Variants in PDIA5 observed in about 807,000 individuals in gnomAD.
The protein encoded by PDIA5 is protein disulfide-isomerase A5.
A neutral mutation model predicts 77.6 loss-of-function variants in PDIA5; 58 were observed. The ratio of observed to expected loss-of-function variants is 0.75; its 90% CI spans 0.61 to 0.93. The LOEUF (loss-of-function observed/expected upper bound fraction) is 0.93. PDIA5 is among the 40% of genes least tolerant of loss of function. The pLI is 0.00. For missense variants in PDIA5, 630 were observed against 647.7 expected (o/e 0.97, Z 0.30); for synonymous variants, 250 against 252.1 (o/e 0.99, Z 0.08).
rs1934108357 is a variant in PDIA5 at position 123,085,282 on chromosome 3, T to G, written c.43-3886T>G. Among the ~76,000 whole-genome samples, 6 of 152,256 alleles carry G rather than the reference T, an allele frequency of 3.9e-5. 1 individual carries two copies. The South Asian group carries it at 1.2e-3, about 32-fold the overall frequency. ...TGCCCTCCTCCAGAGCTCTTAATCT[T>G]GGGGATGGGGGTGAGGGTAGGGAGG... On this transcript the variant is annotated intron_variant, in intron 1 of 16. Coordinates refer to ENST00000316218, the MANE Select transcript of PDIA5 (RefSeq NM_006810.4).
intron 13 of PDIA5, among the ~76,000 whole-genome samples, chr3:123,147,381 G>A (rs1935795609): frequency 6.6e-6 from 1 of 152,162 alleles, no homozygotes; most frequent in African/African-American, 2.4e-5. Context: ...ATGGGGGTTA[G>A]GACATCAACA....
At chr3:123,068,997 G>C (rs921041346) in intron 1 of PDIA5, among the ~76,000 whole-genome samples, 1 of 152,198 alleles carries the variant, frequency 6.6e-6, no homozygotes, top group African/African-American at 2.4e-5. Flanking sequence ...TTCACCAGGA[G>C]GTGCGGAAGA....
intron 14 of PDIA5, among the ~76,000 whole-genome samples, chr3:123,152,123 T>TCCTG (rs1157833115): frequency 4.4e-5 from 4 of 91,490 alleles, no homozygotes; most frequent in African/African-American, 1.4e-4. Flanking sequence ...CTTCCTTCCT[T>TCCTG]CCTGCCTTCC....
chr3:123,161,765 T>A, intron 16 of PDIA5, 115 bp from the exon 17 acceptor site: 1 of 761,796 alleles, frequency 1.3e-6, no homozygotes, highest in South Asian at 1.6e-5. Flanking sequence ...TCTGCCCACC[T>A]CTCCCTGTCA....
Position 123,154,983 on chromosome 3 carries a change from G to GT in PDIA5, c.1287dup (p.Lys430Ter), listed in dbSNP as rs1311930857. ...CCCTCTCACACAGGGTGCCCACACT[G>GT]TAAGAAGGTCATTCCGCACTTTACT... On this transcript the variant is annotated frameshift_variant, in exon 15 of 17. Coordinates refer to ENST00000316218, the MANE Select transcript of PDIA5 (RefSeq NM_006810.4). LOFTEE classifies it high-confidence loss of function. The GT allele has an allele frequency of 1.9e-6, 3 of 1,610,740 alleles. No homozygotes were observed. The highest frequency in any genetic ancestry group is 2.5e-6 in the Non-Finnish European group (3 of 1,177,032).
chr3:123,095,749 C>CAA (rs61654925), intron 3 of PDIA5, among the ~76,000 whole-genome samples: 1,604 of 86,674 alleles, frequency 0.019, 31 homozygotes, highest in African/African-American at 0.055. Flanking sequence ...AACTCTGTCT[C>CAA]AAAAAAAAAA....
chr3:123,150,118 G>T, intron 13 of PDIA5, 116 bp from the exon 14 acceptor site: 4 of 719,988 alleles, frequency 5.6e-6, no homozygotes, highest in South Asian at 3.4e-5. Context: ...TAGAAGGATT[G>T]TAGTGGTTTC....
chr3:123,151,547 C>T (rs1269961689), intron 14 of PDIA5, among the ~76,000 whole-genome samples: 1 of 152,252 alleles, frequency 6.6e-6, no homozygotes, highest in Non-Finnish European at 1.5e-5. Context: ...CCCCAGACCT[C>T]TGGACCAGAG....
At chr3:123,084,718 A>G (rs1357526616) in intron 1 of PDIA5, among the ~76,000 whole-genome samples, 5 of 152,174 alleles carry the variant, frequency 3.3e-5, no homozygotes, top group African/African-American at 1.2e-4. Flanking sequence ...CGGAATTCTA[A>G]GAGTCATTTT....
At chr3:123,127,182 C>T (rs1223716074) in intron 10 of PDIA5, among the ~76,000 whole-genome samples, 1 of 152,202 alleles carries the variant, frequency 6.6e-6, no homozygotes, top group African/African-American at 2.4e-5. Flanking sequence ...AGATGAGGTT[C>T]TGATTGTGTG....
chr3:123,096,106 C>G (rs773518056), intron 3 of PDIA5, among the ~76,000 whole-genome samples: 1 of 152,106 alleles, frequency 6.6e-6, no homozygotes, highest in Non-Finnish European at 1.5e-5. Context: ...CTCTGAGGTT[C>G]TCTCCTGTCT....
intron 3 of PDIA5, among the ~76,000 whole-genome samples, chr3:123,097,502 G>A (rs557281793): frequency 1.3e-5 from 2 of 152,296 alleles, no homozygotes; most frequent in East Asian, 1.9e-4. Flanking sequence ...GAGCCCTGTT[G>A]TAGGGAATCC....
In PDIA5 at chr3:123,124,137, C is replaced by T; in HGVS notation, c.681C>T (p.Phe227=). Residue 227 remains phenylalanine (F), a synonymous_variant, in exon 9 of 17, where the codon TTC becomes TTT. Coordinates refer to ENST00000316218, the MANE Select transcript of PDIA5 (RefSeq NM_006810.4). ...NIKEEYSVRG[F]PTICYFEKGR... ...AGGAGGAGTACAGCGTGCGCGGCTT[C>T]CCCACCATCTGCTATTTTGAGTACG... is the stretch of plus-strand genomic sequence containing the variant. 1 of 1,613,534 alleles carries T rather than the reference C, an allele frequency of 6.2e-7. No homozygotes were observed. The highest frequency in any genetic ancestry group is 2.2e-5 in the East Asian group (1 of 44,878).
rs1305312460 is a variant in PDIA5 at position 123,124,287 on chromosome 3, G to A, written c.717G>A (p.Leu239=). The change falls in exon 10 of 17, where the codon TTG becomes TTA. Residue 239 remains leucine (L), a synonymous_variant. Coordinates refer to ENST00000316218, the MANE Select transcript of PDIA5 (RefSeq NM_006810.4). ...TICYFEKGRF[L]FQYDNYGSTA... ...CGTTTCACAGGAAAGGACGGTTCTT[G>A]TTCCAGTATGACAACTATGGGTCCA... 1.2e-6 allele frequency: 2 copies of A among 1,613,486 alleles called. No homozygotes were observed. The highest frequency in any genetic ancestry group is 1.7e-6 in the Non-Finnish European group (2 of 1,179,392).
intron 1 of PDIA5, among the ~76,000 whole-genome samples, chr3:123,068,640 C>A (rs1052320910): frequency 6.6e-6 from 1 of 152,188 alleles, no homozygotes; most frequent in African/African-American, 2.4e-5. Flanking sequence ...TTTGTGAAAA[C>A]AAACGGCTTG....
chr3:123,145,931 G>A (rs1270095883), intron 12 of PDIA5, among the ~76,000 whole-genome samples, 168 bp from the exon 13 acceptor site: 2 of 151,506 alleles, frequency 1.3e-5, no homozygotes, highest in South Asian at 2.1e-4. Flanking sequence ...AATGATGGCC[G>A]TGCCAATGTT....
chr3:123,112,278 G>A (rs1934880715), intron 7 of PDIA5, among the ~76,000 whole-genome samples: 1 of 152,192 alleles, frequency 6.6e-6, no homozygotes. Context: ...TGCAAGGCAG[G>A]TGTGCCTAGG....
intron 5 of PDIA5, 110 bp downstream of exon 5, chr3:123,102,906 C>G: frequency 1.4e-6 from 1 of 738,458 alleles, no homozygotes; most frequent in Non-Finnish European, 2.5e-6. Flanking sequence ...AATAGCTCTT[C>G]TAAATGACCT....
intron 11 of PDIA5, among the ~76,000 whole-genome samples, chr3:123,143,195 C>CGT (rs1158678318): frequency 2.0e-5 from 3 of 151,816 alleles, no homozygotes; most frequent in Non-Finnish European, 4.4e-5. Flanking sequence ...ACCATCCTGG[C>CGT]TAACACAGTG....
Sources: allele counts gnomAD v4.1 joint callset (sites outside exome capture counted in the v4.1 genomes callset), GRCh38; gene constraint gnomAD v4.1.1; transcripts MANE v1.5; gene names NCBI Gene and HGNC (gene_info 2026-07-23, HGNC 2026-07-21).